Variants in APAF1 observed in about 807,000 individuals in gnomAD.
APAF1 encodes apoptotic peptidase activating factor 1.
A neutral mutation model predicts 152.4 loss-of-function variants in APAF1; 91 were observed. The observed-to-expected ratio is 0.60, with a 90% CI of 0.50 to 0.71. APAF1 has a LOEUF of 0.71. Among genes scored for constraint, APAF1 ranks in the 30% least tolerant of loss-of-function variants. The pLI is 0.00. For synonymous variants in APAF1, 484 were observed against 494.1 expected, an observed-to-expected ratio of 0.98 and a Z score of 0.27; for missense variants, 1,283 against 1,472.0, an observed-to-expected ratio of 0.87 and a Z score of 2.10.
intron 4 of APAF1, among the ~76,000 whole-genome samples, chr12:98,657,703 G>A (rs2097659541): frequency 6.6e-6 from 1 of 152,146 alleles, no homozygotes; most frequent in African/African-American, 2.4e-5. Context: ...ATATTCTTGT[G>A]GATGCAGAAT....
At chr12:98,707,934 C>T (rs935400200) in intron 19 of APAF1, among the ~76,000 whole-genome samples, 1 of 152,076 alleles carries the variant, frequency 6.6e-6, no homozygotes. Flanking sequence ...AGTTGATTTA[C>T]GTTCTGGTAC....
At chr12:98,651,509 CA>C (rs1176576191) in intron 4 of APAF1, among the ~76,000 whole-genome samples, 2 of 152,186 alleles carry the variant, frequency 1.3e-5, no homozygotes, top group Admixed American at 1.3e-4. Flanking sequence ...TGATTGCCAC[CA>C]ACCCATTTTA....
At chr12:98,726,407 A>T (rs2153345017) in intron 25 of APAF1, 1 of 150,588 alleles carries the variant, frequency 6.6e-6, no homozygotes, top group African/African-American at 2.4e-5. Flanking sequence ...GATGAGGAAG[A>T]TGGGGTTTTC....
intron 12 of APAF1, among the ~76,000 whole-genome samples, chr12:98,675,500 T>C (rs1279159697): frequency 4.6e-5 from 7 of 152,224 alleles, no homozygotes; most frequent in Admixed American, 3.9e-4. Flanking sequence ...CCAACCTGGA[T>C]TGAAAATATT....
At chr12:98,711,763 A>C (rs2097728129) in intron 20 of APAF1, among the ~76,000 whole-genome samples, 1 of 152,232 alleles carries the variant, frequency 6.6e-6, no homozygotes. Context: ...TTGTTCAAGC[A>C]TTGTAAATCC....
Position 98,708,612 on chromosome 12 carries a change from A to T in APAF1, c.2749A>T (p.Asn917Tyr). 6.2e-7 allele frequency: 1 copy of T among 1,613,404 alleles called. No homozygotes were observed. Among genetic ancestry groups the T allele is most frequent in the Non-Finnish European group, 8.5e-7 (1 of 1,179,544 alleles). The change falls in exon 20 of 27, where the codon AAC becomes TAC. Residue 917 changes from asparagine to tyrosine, a missense_variant. Transcript: ENST00000551964. The part of the protein sequence containing the change: ...RLWETKKVCK[N>Y]SAVMLKQEVD... ...CTGGGAGACAAAGAAAGTATGTAAG[A>T]ACTCTGCTGTAATGTTAAAGCAAGA...
intron 15 of APAF1, among the ~76,000 whole-genome samples, chr12:98,684,523 C>A (rs1224307943): frequency 3.2e-5 from 4 of 125,552 alleles, no homozygotes; most frequent in Non-Finnish European, 6.5e-5. Context: ...CCCTCTCATT[C>A]TCTCTCATTC....
intron 7 of APAF1, 57 bp from the exon 8 acceptor site, chr12:98,665,496 C>T: frequency 1.7e-6 from 2 of 1,186,534 alleles, no homozygotes; most frequent in Non-Finnish European, 2.5e-6. Context: ...TAAGTCGATT[C>T]TTATTAGTGA....
At chr12:98,664,770 A>G (rs1361953240) in intron 7 of APAF1, among the ~76,000 whole-genome samples, 1 of 152,120 alleles carries the variant, frequency 6.6e-6, no homozygotes, top group Non-Finnish European at 1.5e-5. Flanking sequence ...TCTGCCCTCA[A>G]GCAATCCTCC....
At chr12:98,665,869 GA>G in intron 8 of APAF1, 78 bp downstream of exon 8, 1 of 1,279,596 alleles carries the variant, frequency 7.8e-7, no homozygotes. Context: ...TGTTGTTACA[GA>G]GAACCTTGGA....
chr12:98,711,965 A>G (rs1209966915), intron 20 of APAF1, among the ~76,000 whole-genome samples: 1 of 152,228 alleles, frequency 6.6e-6, no homozygotes, highest in Non-Finnish European at 1.5e-5. Flanking sequence ...GTATATTTTA[A>G]CAAATGATAG....
At chr12:98,664,386 G>T (rs1310421930) in intron 7 of APAF1, among the ~76,000 whole-genome samples, 1 of 151,960 alleles carries the variant, frequency 6.6e-6, no homozygotes, top group East Asian at 1.9e-4. Context: ...TACAAAGGGT[G>T]ATGCATGTCC....
chr12:98,691,837 A>G (rs2097704536), intron 16 of APAF1, among the ~76,000 whole-genome samples: 1 of 151,910 alleles, frequency 6.6e-6, no homozygotes, highest in Non-Finnish European at 1.5e-5. Context: ...AAATGTAGCT[A>G]TTCCTGCAGC....
In APAF1 at chr12:98,671,709, C is replaced by CCAG; in HGVS notation, c.1783_1784insCAG (p.Leu595delinsProVal). On this transcript the variant is annotated protein_altering_variant, in exon 12 of 27. Transcript: ENST00000551964. The stretch of plus-strand genomic sequence containing the variant: ...GGAGGTCGATAATGGAATGCTTTAC[C>CCAG]TGGAATGGATGTAAGTAGGTTAGGA... 6.2e-7 allele frequency: 1 copy of CCAG among 1,613,986 alleles called. No homozygotes were observed. The highest frequency in any genetic ancestry group is 8.5e-7 in the Non-Finnish European group (1 of 1,179,994).
chr12:98,691,989 G>C (rs1209141433), intron 16 of APAF1, among the ~76,000 whole-genome samples: 1 of 152,040 alleles, frequency 6.6e-6, no homozygotes, highest in East Asian at 1.9e-4. Flanking sequence ...CTTCCTGCTA[G>C]TTGTTGTCAC....
chr12:98,648,313 CTGTAGCTCATGGT>C lies in APAF1; in HGVS notation c.-41-3_-32del. On this transcript the variant is annotated splice_acceptor_variant and splice_polypyrimidine_tract_variant and 5_prime_UTR_variant and intron_variant, in exon 2 of 27. Transcript: ENST00000551964. LOFTEE classifies it low-confidence loss of function (5UTR_SPLICE). ...CCTGACAAATATTTTGGTGTTTTGG[CTGTAGCTCATGGT>C]TGACAGCTCAGAGAGAGAAAGATCT... 1 of 1,611,578 alleles carries C rather than the reference CTGTAGCTCATGGT, an allele frequency of 6.2e-7. No homozygotes were observed. The highest frequency in any genetic ancestry group is 1.3e-5 in the African/African-American group (1 of 74,976).
chr12:98,657,124 T>G, intron 4 of APAF1, among the ~76,000 whole-genome samples: 1 of 152,206 alleles, frequency 6.6e-6, no homozygotes, highest in East Asian at 1.9e-4. Context: ...TTACTAGAAC[T>G]ACAGCACTTT....
Position 98,724,515 on chromosome 12 carries a change from C to A in APAF1, c.3330+751C>A, listed in dbSNP as rs538501577. ...GTGCCAGCCTACTTTCCAACTTCAT[C>A]TTTTTGTGCATGCTGCTAACTTTGG... is the stretch of plus-strand genomic sequence containing the variant. On this transcript the variant is annotated intron_variant, in intron 24 of 26. Coordinates refer to ENST00000551964, the MANE Select transcript of APAF1 (RefSeq NM_181861.2). Among the ~76,000 whole-genome samples, 3 of 152,300 alleles carry A rather than the reference C, an allele frequency of 2.0e-5. No homozygotes were observed. In the East Asian group the frequency reaches 5.8e-4, roughly 29 times the overall value.
At chr12:98,685,475 A>G (rs1269437478) in intron 15 of APAF1, among the ~76,000 whole-genome samples, 1 of 151,410 alleles carries the variant, frequency 6.6e-6, no homozygotes, top group African/African-American at 2.4e-5. Flanking sequence ...AGCTGGGACT[A>G]CAGGTGCCGT....
Sources: allele counts gnomAD v4.1 joint callset (sites outside exome capture counted in the v4.1 genomes callset), GRCh38; gene constraint gnomAD v4.1.1; transcripts MANE v1.5; gene names NCBI Gene and HGNC (gene_info 2026-07-23, HGNC 2026-07-21).